Variants in GALNT13 observed in about 807,000 individuals in gnomAD.
The protein encoded by GALNT13 is polypeptide N-acetylgalactosaminyltransferase 13.
A neutral mutation model predicts 64.2 loss-of-function variants in GALNT13; 28 were observed. The ratio of observed to expected loss-of-function variants is 0.44; its 90% confidence interval spans 0.32 to 0.60. The LOEUF (loss-of-function observed/expected upper bound fraction) is 0.60. Among genes scored for constraint, GALNT13 ranks in the 20% least tolerant of loss-of-function variants. The pLI is 0.05. For missense variants in GALNT13, 577 were observed against 669.8 expected, an observed-to-expected ratio of 0.86 and a Z score of 1.53; for synonymous variants, 214 against 224.6, an observed-to-expected ratio of 0.95 and a Z score of 0.42.
intron 8 of GALNT13, among the ~76,000 whole-genome samples, chr2:154,268,693 C>G (rs1472098996): frequency 6.6e-6 from 1 of 151,886 alleles, no homozygotes; most frequent in African/African-American, 2.4e-5. Context: ...AAATGTAGTT[C>G]AAAGTATCTA....
the GALNT13 span, among the ~76,000 whole-genome samples, chr2:153,096,958 C>T: frequency 6.6e-6 from 1 of 151,734 alleles, no homozygotes; most frequent in Non-Finnish European, 1.5e-5. Context: ...TCATTTATTC[C>T]AGTCTTCTTT....
At chr2:153,258,303 CT>C in the GALNT13 span, among the ~76,000 whole-genome samples, 1 of 152,074 alleles carries the variant, frequency 6.6e-6, no homozygotes, top group Non-Finnish European at 1.5e-5. Flanking sequence ...CCAAGTTGTC[CT>C]TAAAAACTGT....
the GALNT13 span, among the ~76,000 whole-genome samples, chr2:153,162,466 G>A: frequency 2.0e-5 from 3 of 151,906 alleles, no homozygotes; most frequent in Non-Finnish European, 2.9e-5. Context: ...TCTCCTCCCC[G>A]AAACTCTGTA....
At chr2:154,129,488 A>G (rs1183893437) in intron 3 of GALNT13, among the ~76,000 whole-genome samples, 7 of 152,180 alleles carry the variant, frequency 4.6e-5, no homozygotes, top group Non-Finnish European at 8.8e-5. Context: ...TAACAGCGAA[A>G]TGTCTTGAGA....
At chr2:154,026,344 T>C (rs958027726) in intron 3 of GALNT13, among the ~76,000 whole-genome samples, 8 of 152,088 alleles carry the variant, frequency 5.3e-5, no homozygotes, top group Non-Finnish European at 1.2e-4. Context: ...TTTTATGAGG[T>C]GTAGAATATA....
chr2:153,704,677 C>T, the GALNT13 span, among the ~76,000 whole-genome samples: 3 of 152,162 alleles, frequency 2.0e-5, no homozygotes, highest in East Asian at 1.9e-4. Context: ...TTCTTAACAA[C>T]AGCTACCTCC....
intron 3 of GALNT13, among the ~76,000 whole-genome samples, chr2:154,083,721 G>A (rs1326456536): frequency 6.6e-6 from 1 of 151,698 alleles, no homozygotes; most frequent in African/African-American, 2.4e-5. Flanking sequence ...TGATGTCTTT[G>A]TGTCTTCTCA....
At chr2:153,285,510 A>G in the GALNT13 span, among the ~76,000 whole-genome samples, 4 of 152,328 alleles carry the variant, frequency 2.6e-5, no homozygotes, top group African/African-American at 4.8e-5. Context: ...AATACTAAAT[A>G]TAGACATTAA....
chr2:153,868,805 G>A (rs1685805758), upstream of GALNT13, among the ~76,000 whole-genome samples: 1 of 152,118 alleles, frequency 6.6e-6, no homozygotes, highest in African/African-American at 2.4e-5. Flanking sequence ...TACAGTATTG[G>A]TCTTACCATT....
chr2:153,635,452 A>ATG, the GALNT13 span, among the ~76,000 whole-genome samples: 4 of 148,578 alleles, frequency 2.7e-5, no homozygotes, highest in Non-Finnish European at 4.5e-5. Flanking sequence ...ACACATATAT[A>ATG]TGTATATGTG....
the GALNT13 span, among the ~76,000 whole-genome samples, chr2:153,257,224 G>C: frequency 6.6e-6 from 1 of 152,078 alleles, no homozygotes; most frequent in African/African-American, 2.4e-5. Context: ...TCCAGGTGCC[G>C]TCTGTCACCC....
At chr2:153,498,354 G>C in the GALNT13 span, among the ~76,000 whole-genome samples, 3 of 152,246 alleles carry the variant, frequency 2.0e-5, no homozygotes, top group Non-Finnish European at 2.9e-5. Context: ...CACTGGGCTT[G>C]TTCCGCCCTT....
the GALNT13 span, among the ~76,000 whole-genome samples, chr2:153,839,966 C>A: frequency 3.3e-5 from 5 of 151,928 alleles, no homozygotes; most frequent in African/African-American, 1.2e-4. Flanking sequence ...GCAAACCTAA[C>A]TTAGAATATT....
chr2:153,668,688 G>A, the GALNT13 span, among the ~76,000 whole-genome samples: 2 of 152,184 alleles, frequency 1.3e-5, no homozygotes, highest in Non-Finnish European at 2.9e-5. Context: ...TCCTGGGGAA[G>A]GTGTGAGTTG....
chr2:153,438,194 A>T, the GALNT13 span, among the ~76,000 whole-genome samples: 1 of 152,162 alleles, frequency 6.6e-6, no homozygotes, highest in East Asian at 1.9e-4. Context: ...CTGAGAGATC[A>T]GCTGTTAGTC....
At chr2:154,333,197 G>C (rs1199656090) in intron 9 of GALNT13, among the ~76,000 whole-genome samples, 2 of 152,000 alleles carry the variant, frequency 1.3e-5, no homozygotes, top group African/African-American at 4.8e-5. Flanking sequence ...AGGACACCTA[G>C]AGGTTAGAAA....
At chr2:153,643,947 T>G in the GALNT13 span, among the ~76,000 whole-genome samples, 1 of 151,960 alleles carries the variant, frequency 6.6e-6, no homozygotes, top group Non-Finnish European at 1.5e-5. Context: ...AACAAGAATC[T>G]GCAACAATCA....
chr2:154,080,184 G>A (rs1701199845), intron 3 of GALNT13, among the ~76,000 whole-genome samples: 1 of 151,602 alleles, frequency 6.6e-6, no homozygotes, highest in Admixed American at 6.6e-5. Context: ...AAGCAATTTT[G>A]CTGCTTTAGT....
chr2:153,819,775 A>G, the GALNT13 span, among the ~76,000 whole-genome samples: 10 of 152,252 alleles, frequency 6.6e-5, no homozygotes, highest in African/African-American at 2.4e-4. Context: ...CTTTACAAGC[A>G]AAGCCAAAGA....
Sources: allele counts gnomAD v4.1 joint callset (sites outside exome capture counted in the v4.1 genomes callset), GRCh38; gene constraint gnomAD v4.1.1; transcripts MANE v1.5; gene names NCBI Gene and HGNC (gene_info 2026-07-23, HGNC 2026-07-21).